Variants in GPHN observed in about 807,000 individuals in gnomAD.
GPHN encodes gephyrin.
Under a neutral mutation model 95.5 loss-of-function variants are expected in GPHN, and 17 were observed. That is an observed-to-expected ratio of 0.18 (90% CI 0.12 to 0.27). GPHN has a LOEUF of 0.27. Ranked by LOEUF, GPHN falls within the 10% of genes least tolerant of loss-of-function variation. The pLI is 1.00. For missense variants in GPHN, 660 were observed against 978.1 expected, an observed-to-expected ratio of 0.67 and a Z score of 4.34; for synonymous variants, 320 against 322.5, an observed-to-expected ratio of 0.99 and a Z score of 0.08.
the GPHN span, among the ~76,000 whole-genome samples, chr14:67,702,377 A>G: frequency 6.6e-6 from 1 of 152,150 alleles, no homozygotes. Flanking sequence ...TATTTTGTTG[A>G]TAACTCAGAA....
chr14:67,269,131 G>A, the GPHN span, among the ~76,000 whole-genome samples: 4 of 152,102 alleles, frequency 2.6e-5, no homozygotes, highest in African/African-American at 9.7e-5. Context: ...GTATGTGGTC[G>A]TGGTCCTTTG....
intron 10 of GPHN, among the ~76,000 whole-genome samples, chr14:67,028,652 T>G (rs2074041630): frequency 6.6e-6 from 1 of 152,188 alleles, no homozygotes. Context: ...CTATTGGCCA[T>G]AGGTATGTCC....
At chr14:66,563,801 ATTGC>A (rs1211118024) in intron 1 of GPHN, among the ~76,000 whole-genome samples, 2 of 151,654 alleles carry the variant, frequency 1.3e-5, no homozygotes, top group Non-Finnish European at 2.9e-5. Flanking sequence ...GCTAATTCTG[ATTGC>A]TTGCATTTCC....
At chr14:66,595,798 G>C (rs1415426071) in intron 1 of GPHN, among the ~76,000 whole-genome samples, 1 of 150,156 alleles carries the variant, frequency 6.7e-6, no homozygotes, top group Non-Finnish European at 1.5e-5. Flanking sequence ...TCTCCTTCTT[G>C]TCACCTGCAA....
At chr14:66,582,020 G>A (rs963702523) in intron 1 of GPHN, among the ~76,000 whole-genome samples, 1 of 151,946 alleles carries the variant, frequency 6.6e-6, no homozygotes, top group African/African-American at 2.4e-5. Context: ...CTACATCTTA[G>A]ACCAAATGTA....
chr14:67,242,823 G>T, the GPHN span, among the ~76,000 whole-genome samples: 1 of 152,072 alleles, frequency 6.6e-6, no homozygotes, highest in African/African-American at 2.4e-5. Context: ...ATTAGTTTTG[G>T]CAAGACGGAC....
At chr14:67,568,300 T>C in the GPHN span, among the ~76,000 whole-genome samples, 2 of 152,198 alleles carry the variant, frequency 1.3e-5, no homozygotes, top group Middle Eastern at 6.8e-3. Flanking sequence ...TGCAGGGACA[T>C]AAATGGAGCT....
chr14:66,765,372 C>G (rs2058925337), intron 2 of GPHN, among the ~76,000 whole-genome samples: 1 of 152,212 alleles, frequency 6.6e-6, no homozygotes, highest in African/African-American at 2.4e-5. Context: ...TATGTAAGTT[C>G]ATTGCAGTAC....
chr14:67,464,467 C>T, the GPHN span, among the ~76,000 whole-genome samples: 1 of 152,080 alleles, frequency 6.6e-6, no homozygotes, highest in Non-Finnish European at 1.5e-5. Context: ...CAGGCTCTGA[C>T]CCCTGCCTGC....
At chr14:67,430,966 G>GC in the GPHN span, among the ~76,000 whole-genome samples, 1 of 152,126 alleles carries the variant, frequency 6.6e-6, no homozygotes, top group Admixed American at 6.5e-5. Flanking sequence ...TCCTATAGGT[G>GC]CCCCAACAAC....
At chr14:66,600,763 A>T (rs969286960) in intron 1 of GPHN, among the ~76,000 whole-genome samples, 1 of 152,072 alleles carries the variant, frequency 6.6e-6, no homozygotes, top group African/African-American at 2.4e-5. Flanking sequence ...ACATTGTTGC[A>T]CTTAATAGAC....
the GPHN span, among the ~76,000 whole-genome samples, chr14:67,192,955 T>C: frequency 6.8e-6 from 1 of 146,800 alleles, no homozygotes; most frequent in Non-Finnish European, 1.5e-5. Context: ...TATCTCTATA[T>C]ATCTATATAT....
intron 5 of GPHN, among the ~76,000 whole-genome samples, chr14:66,886,951 C>T (rs2064228034): frequency 6.6e-6 from 1 of 152,146 alleles, no homozygotes; most frequent in Non-Finnish European, 1.5e-5. Flanking sequence ...TCAGTCGCTA[C>T]AATTTTGTGA....
At chr14:67,716,207 A>AG in the GPHN span, among the ~76,000 whole-genome samples, 1 of 151,886 alleles carries the variant, frequency 6.6e-6, no homozygotes, top group Non-Finnish European at 1.5e-5. Context: ...AAAAAAAAAA[A>AG]AAAGAAAAGA....
chr14:67,012,453 C>T (rs1041199947), intron 9 of GPHN, among the ~76,000 whole-genome samples: 1 of 152,108 alleles, frequency 6.6e-6, no homozygotes, highest in East Asian at 1.9e-4. Context: ...TCTGAACACC[C>T]GTGTGTCTTT....
chr14:67,097,967 T>C (rs1381394528), intron 12 of GPHN, among the ~76,000 whole-genome samples: 5 of 152,138 alleles, frequency 3.3e-5, no homozygotes, highest in African/African-American at 1.2e-4. Context: ...ACCATGTGTG[T>C]TGAAATATAT....
At chr14:67,243,233 C>G in the GPHN span, among the ~76,000 whole-genome samples, 2 of 151,772 alleles carry the variant, frequency 1.3e-5, no homozygotes, top group East Asian at 1.9e-4. Flanking sequence ...CTTGCCCAGG[C>G]TGGAGTGTAG....
intron 4 of GPHN, among the ~76,000 whole-genome samples, chr14:66,832,859 T>C (rs1414779473): frequency 6.6e-6 from 1 of 152,078 alleles, no homozygotes; most frequent in Non-Finnish European, 1.5e-5. Flanking sequence ...TTTTATAAAA[T>C]TCAGGCTAAA....
chr14:67,609,865 G>T, the GPHN span, among the ~76,000 whole-genome samples: 3 of 151,738 alleles, frequency 2.0e-5, no homozygotes, highest in African/African-American at 7.3e-5. Context: ...GAGGAGAGGA[G>T]TTTCTTGGCC....
Sources: allele counts gnomAD v4.1 joint callset (sites outside exome capture counted in the v4.1 genomes callset), GRCh38; gene constraint gnomAD v4.1.1; transcripts MANE v1.5; gene names NCBI Gene and HGNC (gene_info 2026-07-23, HGNC 2026-07-21).